The following SAV1 variants were observed in gnomAD, a reference collection of about 807,000 sequenced individuals.
SAV1 encodes the protein protein salvador homolog 1.
SAV1 carries 23 observed loss-of-function variants against 47.3 expected under a neutral mutation model. The ratio of observed to expected loss-of-function variants is 0.49; its 90% CI spans 0.35 to 0.69. SAV1 has a LOEUF of 0.69. Among genes scored for constraint, SAV1 ranks in the 30% least tolerant of loss-of-function variants. The pLI, the probability that SAV1 is intolerant of heterozygous loss-of-function variation, is 0.01. For synonymous variants in SAV1, 155 were observed against 159.2 expected, an observed-to-expected ratio of 0.97 and a Z score of 0.20; for missense variants, 448 against 457.4, an observed-to-expected ratio of 0.98 and a Z score of 0.19.
At chr14:50,648,756 C>T (rs944671565) in intron 2 of SAV1, among the ~76,000 whole-genome samples, 4 of 151,088 alleles carry the variant, frequency 2.6e-5, no homozygotes, top group African/African-American at 9.7e-5. Context: ...CCAGCCTGGG[C>T]GACGGAGCAA....
At position 50,665,570 on chromosome 14, in the gene SAV1, A is replaced by T; in HGVS notation, c.144T>A (p.Thr48=). The change falls in exon 2 of 5, where the codon ACT becomes ACA. Residue 48 remains threonine, a synonymous_variant. Coordinates refer to ENST00000324679, the MANE Select transcript of SAV1 (RefSeq NM_021818.4). ...IRHGPTIPRR[T]DICLPDSSPN... ...GGCTTGAATCTGGAAGACAGATATC[A>T]GTTCGTCTTGGAATTGTTGGACCAT... 1 of 1,613,696 alleles carries T rather than the reference A, an allele frequency of 6.2e-7. No individual in the cohort carries two copies. Among genetic ancestry groups the T allele is most frequent in the East Asian group, 2.2e-5 (1 of 44,880 alleles).
intron 2 of SAV1, among the ~76,000 whole-genome samples, chr14:50,652,291 C>T (rs2039775831): frequency 6.6e-6 from 1 of 152,136 alleles, no homozygotes; most frequent in Non-Finnish European, 1.5e-5. Flanking sequence ...TCTTAAACTG[C>T]CAACAGTATG....
chr14:50,661,270 G>A (rs1210171641), intron 2 of SAV1, among the ~76,000 whole-genome samples: 2 of 152,244 alleles, frequency 1.3e-5, no homozygotes, highest in South Asian at 2.1e-4. Flanking sequence ...TTTGAGAAAC[G>A]TCTATTCATG....
chr14:50,644,976 T>G lies in SAV1; in HGVS notation c.574A>C (p.Thr192Pro). 1.2e-6 allele frequency: 2 copies of G among 1,612,916 alleles called. No individual in the cohort carries two copies. The highest frequency in any genetic ancestry group is 1.7e-6 in the Non-Finnish European group (2 of 1,179,942). ...RVAATSLGNL[T>P]NHGSEDLPLP... ...GGTAAATCTTCAGAACCATGGTTAGTCAAATTTCCTAAAGATGTAGCAGCA... is the reference window on the plus strand; with the variant it reads ...GGTAAATCTTCAGAACCATGGTTAGGCAAATTTCCTAAAGATGTAGCAGCA... Residue 192 changes from threonine (T) to proline (P), a missense_variant, in exon 3 of 5, where the codon ACT (threonine) becomes CCT (proline). Transcript: ENST00000324679.
At chr14:50,659,926 T>A (rs1430818929) in intron 2 of SAV1, among the ~76,000 whole-genome samples, 1 of 152,206 alleles carries the variant, frequency 6.6e-6, no homozygotes, top group Non-Finnish European at 1.5e-5. Flanking sequence ...GAATTTGGAC[T>A]GGCCAAACAG....
At position 50,646,411 on chromosome 14, in the gene SAV1, C is replaced by T. The variant is rs150565037; in HGVS notation, c.536-1397G>A. Among the ~76,000 whole-genome samples the T allele has an allele frequency of 6.0e-3, 916 of 152,160 alleles. 15 individuals are homozygous for T. Among genetic ancestry groups the T allele is most frequent in the African/African-American group, 0.021 (870 of 41,456 alleles). Reference sequence around the variant, plus strand: ...CATTCCAATAAAAATTCCGGCCGAGCGCAGTGGCTCACGCCTGTAATCCGA... The same window carrying T: ...CATTCCAATAAAAATTCCGGCCGAGTGCAGTGGCTCACGCCTGTAATCCGA... On this transcript the variant is annotated intron_variant, in intron 2 of 4. Transcript: ENST00000324679.
chr14:50,649,586 G>A (rs111876631), intron 2 of SAV1, among the ~76,000 whole-genome samples: 5 of 152,290 alleles, frequency 3.3e-5, no homozygotes, highest in Non-Finnish European at 5.9e-5. Flanking sequence ...ATAATCAAGA[G>A]AGTAAATCTG....
rs1012147380 is a variant in SAV1, at chr14:50,634,531, T to G, written c.*652A>C. On this transcript the variant is annotated 3_prime_UTR_variant, in exon 5 of 5. Coordinates refer to ENST00000324679, the MANE Select transcript of SAV1 (RefSeq NM_021818.4). ...ACCCGGCTAATTTTTTTGTATTTTT[T>G]GTAGAGATGGGGCTTCACCATGTTG... 1 of 159,086 alleles carries G rather than the reference T, an allele frequency of 6.3e-6. No individual in the cohort carries two copies. The highest frequency in any genetic ancestry group is 2.5e-5 in the African/African-American group (1 of 40,760). 9.9% of individuals were successfully genotyped at this position (159,086 alleles called of 1,614,324 possible). A position where few individuals can be genotyped will look rare whatever the true frequency, so the allele number is the denominator to read the frequency against.
intron 3 of SAV1, among the ~76,000 whole-genome samples, 158 bp from the exon 4 acceptor site, chr14:50,641,051 G>A (rs897070727): frequency 6.6e-6 from 1 of 152,098 alleles, no homozygotes; most frequent in Non-Finnish European, 1.5e-5. Flanking sequence ...TATTTCTTCT[G>A]GCTGGTATTT....
chr14:50,649,290 T>G (rs974406192), intron 2 of SAV1, among the ~76,000 whole-genome samples: 13 of 152,174 alleles, frequency 8.5e-5, no homozygotes, highest in Non-Finnish European at 1.3e-4. Flanking sequence ...TTATGTAATT[T>G]TAGTTTGTTT....
chr14:50,640,340 G>A (rs1444882547), intron 4 of SAV1, among the ~76,000 whole-genome samples: 1 of 151,926 alleles, frequency 6.6e-6, no homozygotes, highest in Non-Finnish European at 1.5e-5. Flanking sequence ...GACTGGTCTC[G>A]AACTCCTGGA....
intron 2 of SAV1, among the ~76,000 whole-genome samples, chr14:50,653,042 GA>G (rs1205737093): frequency 6.8e-6 from 1 of 147,086 alleles, no homozygotes; most frequent in African/African-American, 2.5e-5. Context: ...AAAAGAAATT[GA>G]AAAAAAAATG....
intron 2 of SAV1, among the ~76,000 whole-genome samples, chr14:50,646,680 T>A (rs3015497): frequency 1.4e-5 from 2 of 139,512 alleles, no homozygotes; most frequent in South Asian, 4.6e-4. Context: ...AGTGAAACTC[T>A]GTCTCAAAAA....
intron 4 of SAV1, chr14:50,637,566 T>C (rs1476889480): frequency 6.6e-6 from 1 of 151,790 alleles, no homozygotes; most frequent in Non-Finnish European, 1.5e-5. Flanking sequence ...AAAAATAAGA[T>C]GGTAAATATT....
At chr14:50,636,987 ACTGT>A (rs762736290) in intron 4 of SAV1, among the ~76,000 whole-genome samples, 29 of 152,266 alleles carry the variant, frequency 1.9e-4, no homozygotes, top group South Asian at 1.4e-3. Flanking sequence ...TTTCAAAAGG[ACTGT>A]CTAATATTTT....
intron 2 of SAV1, among the ~76,000 whole-genome samples, chr14:50,650,384 G>A (rs1207801172): frequency 6.6e-6 from 1 of 152,098 alleles, no homozygotes; most frequent in East Asian, 1.9e-4. Flanking sequence ...ATAATATTCG[G>A]GATGTATTAT....
chr14:50,637,206 T>C lies in SAV1; in HGVS notation c.951-1822A>G, dbSNP rs200617918. Among the ~76,000 whole-genome samples the C allele has an allele frequency of 3.1e-4, 47 of 152,322 alleles. No homozygotes were observed. The East Asian group carries it at 3.7e-3, about 12-fold the overall frequency. ...TACTTGAGAGCTGCAAATTTATTAA[T>C]AGATTTAGATTTCTTTGGTAGGAAG... On this transcript the variant is annotated intron_variant, in intron 4 of 4. Transcript: ENST00000324679.
intron 4 of SAV1, among the ~76,000 whole-genome samples, chr14:50,635,678 C>A (rs1319728021): frequency 6.6e-6 from 1 of 152,100 alleles, no homozygotes; most frequent in Non-Finnish European, 1.5e-5. Context: ...TTTTAAAAAT[C>A]TGAGTTATTA....
chr14:50,638,351 G>A (rs1161492262), intron 4 of SAV1, among the ~76,000 whole-genome samples: 1 of 152,138 alleles, frequency 6.6e-6, no homozygotes, highest in Non-Finnish European at 1.5e-5. Context: ...CACTCCAGTA[G>A]TCCATGCTTC....
Sources: gnomAD v4.1 joint callset for allele counts (sites outside exome capture counted in the v4.1 genomes callset) on GRCh38, gnomAD v4.1.1 for gene constraint, MANE v1.5 for transcripts, NCBI Gene and HGNC (gene_info 2026-07-23, HGNC 2026-07-21) for gene names.